Variants in DLGAP2 observed in about 807,000 individuals in gnomAD.
DLGAP2 encodes the protein DLG associated protein 2, also known as disks large-associated protein 2.
Under a neutral mutation model 100.3 loss-of-function variants are expected in DLGAP2, and 26 were observed. The ratio of observed to expected loss-of-function variants is 0.26; its 90% CI spans 0.19 to 0.36. DLGAP2 has a LOEUF of 0.36. Ranked by LOEUF, DLGAP2 falls within the 10% of genes least tolerant of loss-of-function variation. The pLI is 1.00. For synonymous variants in DLGAP2, 886 were observed against 630.1 expected (o/e 1.41, Z -6.08); for missense variants, 1,858 against 1,453.2 (o/e 1.28, Z -4.53).
chr8:1,181,576 C>T (rs1797388705), intron 2 of DLGAP2, among the ~76,000 whole-genome samples: 1 of 151,968 alleles, frequency 6.6e-6, no homozygotes, highest in South Asian at 2.1e-4. Flanking sequence ...CAGGAATTAA[C>T]TAATGGGTAC....
At chr8:756,280 A>G (rs1820918967) in intron 1 of DLGAP2, among the ~76,000 whole-genome samples, 1 of 152,046 alleles carries the variant, frequency 6.6e-6, no homozygotes, top group Admixed American at 6.5e-5. Context: ...TGGGCCAGGC[A>G]TGGTCATGGC....
chr8:1,271,323 T>C (rs1001302263), intron 3 of DLGAP2, among the ~76,000 whole-genome samples: 1 of 152,152 alleles, frequency 6.6e-6, no homozygotes, highest in Non-Finnish European at 1.5e-5. Flanking sequence ...GGTGCGCCCA[T>C]TTCAATGCGA....
At position 785,009 on chromosome 8, in the gene DLGAP2, C is replaced by T. The variant is rs531618300; in HGVS notation, c.18+47184C>T. ...GATCACAAGGTCAGGAGATCGAGAC[C>T]ATCCTGGCTAACATGGTGAAACCCC... On this transcript the variant is annotated intron_variant, in intron 1 of 14. Transcript: ENST00000637795. Among the ~76,000 whole-genome samples, 3 of 151,996 alleles carry T rather than the reference C, an allele frequency of 2.0e-5. No homozygotes were observed. The South Asian group carries it at 6.2e-4, about 32-fold the overall frequency.
intron 2 of DLGAP2, among the ~76,000 whole-genome samples, chr8:1,231,570 G>A (rs1165015429): frequency 6.6e-6 from 1 of 152,194 alleles, no homozygotes; most frequent in Admixed American, 6.5e-5. Flanking sequence ...ATAGCAAAGA[G>A]AGGAAATCAG....
At chr8:1,448,478 A>G (rs1029413965) in intron 3 of DLGAP2, among the ~76,000 whole-genome samples, 4 of 152,086 alleles carry the variant, frequency 2.6e-5, no homozygotes, top group South Asian at 2.1e-4. Flanking sequence ...CTGTTCTTTT[A>G]CATTTGCTGA....
chr8:1,372,151 G>A (rs934319046), intron 3 of DLGAP2, among the ~76,000 whole-genome samples: 17 of 152,254 alleles, frequency 1.1e-4, no homozygotes, highest in Admixed American at 2.6e-4. Context: ...CAGGTGATAG[G>A]GTGGGTGGGG....
chr8:1,506,525 G>C (rs141941354), intron 4 of DLGAP2, among the ~76,000 whole-genome samples: 2 of 152,128 alleles, frequency 1.3e-5, no homozygotes, highest in Non-Finnish European at 2.9e-5. Flanking sequence ...AAAGGAGTGC[G>C]GACCCAAAGA....
At chr8:1,365,078 C>G (rs6991926) in intron 3 of DLGAP2, among the ~76,000 whole-genome samples, 2,037 of 152,252 alleles carry the variant, frequency 0.013, 42 homozygotes, top group African/African-American at 0.047. Context: ...AGAAACCCCG[C>G]AAGGACACGT....
chr8:1,202,783 C>T (rs1797907149), intron 2 of DLGAP2, among the ~76,000 whole-genome samples: 2 of 152,150 alleles, frequency 1.3e-5, no homozygotes, highest in South Asian at 4.1e-4. Flanking sequence ...TTGAATCCAC[C>T]CAAATGACAA....
At chr8:1,288,384 GCGTGTGTGTGTGTGTGGTTGT>G (rs1799986906) in intron 3 of DLGAP2, among the ~76,000 whole-genome samples, 8 of 145,964 alleles carry the variant, frequency 5.5e-5, no homozygotes, top group East Asian at 2.1e-4. Flanking sequence ...TTGGTTCAGT[GCGTGTGTGTGTGTGTGGTTGT>G]TAGGAGGGGA....
At chr8:1,416,056 C>T (rs530168167) in intron 3 of DLGAP2, among the ~76,000 whole-genome samples, 1 of 152,326 alleles carries the variant, frequency 6.6e-6, no homozygotes, top group South Asian at 2.1e-4. Flanking sequence ...AATTATTTGA[C>T]AGACTTAAAG....
Position 1,501,392 on chromosome 8 carries a change from C to A in DLGAP2, c.133C>A (p.Pro45Thr). The A allele has an allele frequency of 1.3e-6, 2 of 1,535,812 alleles. No homozygotes were observed. The highest frequency in any genetic ancestry group is 2.7e-5 in the African/African-American group (2 of 73,140). Reference protein sequence around the residue: ...EEEEAGDLVQPGISFPGPAEE... With the variant: ...EEEEAGDLVQTGISFPGPAEE... Reference sequence around the variant, plus strand: ...GGAAGAAGCTGGAGACTTGGTCCAGCCGGGCATCAGCTTTCCGGGGCCGGC... The same window carrying A: ...GGAAGAAGCTGGAGACTTGGTCCAGACGGGCATCAGCTTTCCGGGGCCGGC... The change falls in exon 4 of 15, where the codon CCG (proline) becomes ACG (threonine). Residue 45 changes from proline (P) to threonine (T), a missense_variant. By Grantham distance (38) the Pro-to-Thr change is conservative. Coordinates refer to ENST00000637795, the MANE Select transcript of DLGAP2 (RefSeq NM_001346810.2).
At chr8:1,308,099 GC>G (rs1434051104) in intron 3 of DLGAP2, among the ~76,000 whole-genome samples, 1 of 152,156 alleles carries the variant, frequency 6.6e-6, no homozygotes, top group African/African-American at 2.4e-5. Flanking sequence ...TTCAGAAAAG[GC>G]CTAGGAAGAC....
At chr8:1,007,224 A>G (rs1180234180) in intron 2 of DLGAP2, among the ~76,000 whole-genome samples, 1 of 152,088 alleles carries the variant, frequency 6.6e-6, no homozygotes, top group Admixed American at 6.5e-5. Context: ...AAGTCTTAGG[A>G]TACGGTCAGT....
At chr8:980,590 C>T (rs1800303069) in intron 2 of DLGAP2, among the ~76,000 whole-genome samples, 1 of 152,172 alleles carries the variant, frequency 6.6e-6, no homozygotes, top group Admixed American at 6.5e-5. Flanking sequence ...GTGCTGTGTG[C>T]TGTCCATGGC....
intron 2 of DLGAP2, among the ~76,000 whole-genome samples, chr8:1,060,920 C>G (rs1422451572): frequency 6.6e-6 from 1 of 152,238 alleles, no homozygotes; most frequent in African/African-American, 2.4e-5. Flanking sequence ...GGGAGACTTA[C>G]TTGCATTCTG....
rs190807542 is a variant in DLGAP2 at position 1,003,873 on chromosome 8, G to T, written c.73+95907G>T. On this transcript the variant is annotated intron_variant, in intron 2 of 14. Transcript: ENST00000637795. ...ATTCTATCAAGAGATGATACCACAA[G>T]CCATACAGACATTTCTTACTTGTGT... is the stretch of plus-strand genomic sequence containing the variant. 3.3e-5 allele frequency among the ~76,000 whole-genome samples: 5 copies of T among 152,302 alleles called. No individual in the cohort carries two copies. In the East Asian group the frequency reaches 9.6e-4, roughly 29 times the overall value.
At chr8:1,305,808 C>T (rs1338173572) in intron 3 of DLGAP2, among the ~76,000 whole-genome samples, 1 of 152,176 alleles carries the variant, frequency 6.6e-6, no homozygotes, top group African/African-American at 2.4e-5. Flanking sequence ...GCTACCGCCC[C>T]ACTCAACAGC....
At chr8:1,654,040 T>C (rs1798226747) in intron 8 of DLGAP2, among the ~76,000 whole-genome samples, 1 of 152,232 alleles carries the variant, frequency 6.6e-6, no homozygotes, top group African/African-American at 2.4e-5. Context: ...CTATTTGCCA[T>C]GTGCATGGTA....
Sources: allele counts gnomAD v4.1 joint callset (sites outside exome capture counted in the v4.1 genomes callset), GRCh38; gene constraint gnomAD v4.1.1; transcripts MANE v1.5; gene names NCBI Gene and HGNC (gene_info 2026-07-23, HGNC 2026-07-21).